DNAJC1: variants seen among roughly 807,000 people sequenced by gnomAD.
DNAJC1 encodes the protein DnaJ heat shock protein family (Hsp40) member C1.
In DNAJC1, 58 loss-of-function variants were observed where a neutral mutation model predicts 76.6. The observed-to-expected ratio is 0.76, with a 90% CI of 0.61 to 0.94. The LOEUF is 0.94. DNAJC1 is among the 40% of genes least tolerant of loss of function. DNAJC1 has a pLI of 0.00. For synonymous variants in DNAJC1, 258 were observed against 267.9 expected (o/e 0.96, Z 0.36); for missense variants, 689 against 677.3 (o/e 1.02, Z -0.19).
At chr10:21,938,405 T>C (rs1216677091) in intron 1 of DNAJC1, among the ~76,000 whole-genome samples, 1 of 152,050 alleles carries the variant, frequency 6.6e-6, no homozygotes, top group Non-Finnish European at 1.5e-5. Flanking sequence ...ATGGTTGCTA[T>C]CCTAAGTTTT....
At chr10:21,776,140 C>T (rs1264894994) in intron 9 of DNAJC1, among the ~76,000 whole-genome samples, 1 of 151,922 alleles carries the variant, frequency 6.6e-6, no homozygotes, top group Non-Finnish European at 1.5e-5. Context: ...GGTTGCATTC[C>T]CTCTAGTAAA....
intron 7 of DNAJC1, among the ~76,000 whole-genome samples, chr10:21,901,052 T>C (rs1450243088): frequency 6.6e-6 from 1 of 152,196 alleles, no homozygotes; most frequent in Non-Finnish European, 1.5e-5. Context: ...AAGTGCTTCA[T>C]CCTACAGGGT....
intron 8 of DNAJC1, among the ~76,000 whole-genome samples, chr10:21,864,456 C>T (rs1212127202): frequency 7.2e-5 from 11 of 151,924 alleles, no homozygotes; most frequent in South Asian, 2.1e-4. Context: ...CCTGTCTCTA[C>T]TAAAAAATAC....
intron 10 of DNAJC1, among the ~76,000 whole-genome samples, chr10:21,761,473 C>T (rs1053800205): frequency 4.7e-5 from 7 of 149,844 alleles, no homozygotes; most frequent in Admixed American, 2.7e-4. Flanking sequence ...GCAGGAGAAT[C>T]GCTTGAACCT....
intron 1 of DNAJC1, among the ~76,000 whole-genome samples, chr10:21,997,108 A>C (rs1219505435): frequency 1.3e-5 from 2 of 152,220 alleles, no homozygotes; most frequent in Non-Finnish European, 2.9e-5. Context: ...CAACACCACA[A>C]GCTCAGTGGA....
At chr10:21,808,874 G>A (rs1166774956) in intron 8 of DNAJC1, among the ~76,000 whole-genome samples, 1 of 152,164 alleles carries the variant, frequency 6.6e-6, no homozygotes, top group Non-Finnish European at 1.5e-5. Flanking sequence ...GGAGACAGCT[G>A]TTGTGACTAT....
chr10:21,915,709 C>G (rs1015049890), intron 6 of DNAJC1, among the ~76,000 whole-genome samples: 2 of 151,962 alleles, frequency 1.3e-5, no homozygotes, highest in African/African-American at 4.8e-5. Flanking sequence ...AATTAATTAC[C>G]ATCTAAAAAA....
intron 9 of DNAJC1, among the ~76,000 whole-genome samples, chr10:21,773,178 T>C (rs745323440): frequency 6.6e-6 from 1 of 152,236 alleles, no homozygotes; most frequent in Non-Finnish European, 1.5e-5. Context: ...TTCTGTGTGC[T>C]TTAGGTATAG....
chr10:21,911,297 T>C (rs1590045441), intron 6 of DNAJC1, among the ~76,000 whole-genome samples: 1 of 152,160 alleles, frequency 6.6e-6, no homozygotes, highest in Non-Finnish European at 1.5e-5. Flanking sequence ...TAACCTTCAA[T>C]GTAGGAAAAT....
intron 9 of DNAJC1, chr10:21,785,153 T>A (rs1027237340): frequency 6.6e-6 from 1 of 152,222 alleles, no homozygotes; most frequent in Admixed American, 6.5e-5. Flanking sequence ...AACAGCTTTG[T>A]GCACTGGCAG....
At chr10:21,953,212 C>A (rs944638181) in intron 1 of DNAJC1, among the ~76,000 whole-genome samples, 5 of 151,608 alleles carry the variant, frequency 3.3e-5, no homozygotes, top group African/African-American at 1.2e-4. Flanking sequence ...TAGTTATGTT[C>A]TCTTGGGAAC....
intron 1 of DNAJC1, among the ~76,000 whole-genome samples, chr10:22,002,410 A>C (rs1378197196): frequency 2.0e-5 from 3 of 150,076 alleles, no homozygotes; most frequent in African/African-American, 7.3e-5. Context: ...ACTAAAAAGC[A>C]ACAAATGGAT....
chr10:21,911,054 AG>A (rs1836852306), intron 6 of DNAJC1, among the ~76,000 whole-genome samples: 1 of 139,022 alleles, frequency 7.2e-6, no homozygotes, highest in Non-Finnish European at 1.6e-5. Flanking sequence ...GAAGGAAGGA[AG>A]GAAGGAAGGA....
rs1005434478 is a variant in DNAJC1 at position 21,857,035 on chromosome 10, C to T, written c.978+25247G>A. ...ACAGGCACATGCCACCATGTCCAGCCGAAAAATATTATCTTAAATGGTACT... is the reference window on the plus strand; with the variant it reads ...ACAGGCACATGCCACCATGTCCAGCTGAAAAATATTATCTTAAATGGTACT... On this transcript the variant is annotated intron_variant, in intron 8 of 11. Coordinates refer to ENST00000376980, the MANE Select transcript of DNAJC1 (RefSeq NM_022365.4). 5.9e-5 allele frequency among the ~76,000 whole-genome samples: 9 copies of T among 151,996 alleles called. No individual in the cohort carries two copies. In the Middle Eastern group the frequency reaches 0.01, roughly 172 times the overall value.
rs186364924 is a variant in DNAJC1 at position 21,836,895 on chromosome 10, C to A, written c.979-30796G>T. Among the ~76,000 whole-genome samples, 4 of 152,296 alleles carry A rather than the reference C, an allele frequency of 2.6e-5. No homozygotes were observed. In the East Asian group the frequency reaches 7.7e-4, roughly 29 times the overall value. On this transcript the variant is annotated intron_variant, in intron 8 of 11. Transcript: ENST00000376980. ...ATAATAATGGGAGAGCTCCCTCTCC[C>A]TCTCCCTCTCCGTCTCTCCACGGTC... is the stretch of plus-strand genomic sequence containing the variant.
intron 10 of DNAJC1, among the ~76,000 whole-genome samples, chr10:21,766,009 A>G (rs913461854): frequency 1.3e-5 from 2 of 152,174 alleles, no homozygotes; most frequent in African/African-American, 4.8e-5. Context: ...CGTCCCCACA[A>G]ATTAAACTAT....
chr10:21,831,514 G>A lies in DNAJC1; in HGVS notation c.979-25415C>T, dbSNP rs536061609. ...TTGTTCTTAATACTTAATCTGGCCGGGTGCAGTGGCTTGCGCCTGTAATCC... is the reference window on the plus strand; with the variant it reads ...TTGTTCTTAATACTTAATCTGGCCGAGTGCAGTGGCTTGCGCCTGTAATCC... On this transcript the variant is annotated intron_variant, in intron 8 of 11. Coordinates refer to ENST00000376980, the MANE Select transcript of DNAJC1 (RefSeq NM_022365.4). Among the ~76,000 whole-genome samples, 5 of 152,252 alleles carry A rather than the reference G, an allele frequency of 3.3e-5. 1 individual carries two copies. The East Asian group carries it at 9.6e-4, about 29-fold the overall frequency.
intron 8 of DNAJC1, among the ~76,000 whole-genome samples, chr10:21,849,674 T>C (rs1272278909): frequency 2.0e-5 from 3 of 152,060 alleles, no homozygotes; most frequent in East Asian, 3.9e-4. Context: ...AAAGAAACTA[T>C]AGACCAATAT....
At chr10:21,863,834 G>C (rs1243841821) in intron 8 of DNAJC1, among the ~76,000 whole-genome samples, 2 of 152,112 alleles carry the variant, frequency 1.3e-5, no homozygotes, top group Non-Finnish European at 1.5e-5. Context: ...TCCTCACCTA[G>C]ATTAAGGGCA....
Sources: gnomAD v4.1 joint callset for allele counts (sites outside exome capture counted in the v4.1 genomes callset) on GRCh38, gnomAD v4.1.1 for gene constraint, MANE v1.5 for transcripts, NCBI Gene and HGNC (gene_info 2026-07-23, HGNC 2026-07-21) for gene names.